Variants in SYNRG observed in about 807,000 individuals in gnomAD.
SYNRG encodes synergin gamma, also known as AP1 gamma subunit binding protein 1.
Under a neutral mutation model 130.9 loss-of-function variants are expected in SYNRG, and 37 were observed. That is an observed-to-expected ratio of 0.28 (90% confidence interval 0.22 to 0.37). SYNRG has a LOEUF of 0.37. Ranked by LOEUF, SYNRG falls within the 10% of genes least tolerant of loss-of-function variation. The pLI, the probability that SYNRG is intolerant of heterozygous loss-of-function variation, is 1.00. For synonymous variants in SYNRG, 539 were observed against 568.1 expected (o/e 0.95, Z 0.73); for missense variants, 1,338 against 1,588.9 (o/e 0.84, Z 2.68).
intron 13 of SYNRG, 21 bp from the exon 14 acceptor site, chr17:37,554,080 A>C (rs2058915001): frequency 1.3e-6 from 2 of 1,580,906 alleles, no homozygotes; most frequent in East Asian, 4.5e-5. Context: ...AAATACCACC[A>C]AACAAATGGG....
intron 3 of SYNRG, among the ~76,000 whole-genome samples, chr17:37,595,757 T>G (rs2062708905): frequency 7.8e-6 from 1 of 127,590 alleles, no homozygotes. Flanking sequence ...TCCTCTGGCC[T>G]TTTTTTTTTT....
At position 37,553,247 on chromosome 17, in the gene SYNRG, C is replaced by G; in HGVS notation, c.2476G>C (p.Glu826Gln). The change falls in exon 14 of 22, where the codon GAG becomes CAG. Residue 826 changes from glutamate to glutamine, a missense_variant. By Grantham distance (29) the Glu-to-Gln change is conservative. Around this residue, in one of 3 missense-constraint regions of SYNRG, gnomAD observed 1,146 missense variants for 1,342.3 expected, o/e 0.85. Coordinates refer to ENST00000612223, the MANE Select transcript of SYNRG (RefSeq NM_007247.6). Reference protein sequence around the residue: ...PSIGGSSVGKEDSEDALSVQF... With the variant: ...PSIGGSSVGKQDSEDALSVQF... ...ACAGAGAGTGCATCTTCAGAGTCCTCCTTGCCAACACTGCTGCCACCAATG... is the reference window on the plus strand; with the variant it reads ...ACAGAGAGTGCATCTTCAGAGTCCTGCTTGCCAACACTGCTGCCACCAATG... 1.2e-6 allele frequency: 2 copies of G among 1,613,950 alleles called. No individual in the cohort carries two copies. The highest frequency in any genetic ancestry group is 1.7e-6 in the Non-Finnish European group (2 of 1,179,976).
intron 6 of SYNRG, among the ~76,000 whole-genome samples, chr17:37,582,115 T>C (rs1324222240): frequency 1.3e-5 from 2 of 152,160 alleles, no homozygotes; most frequent in African/African-American, 4.8e-5. Flanking sequence ...AAGTCTATTG[T>C]CACAATAAGC....
chr17:37,553,693 C>G lies in SYNRG; in HGVS notation c.2030G>C (p.Gly677Ala). The G allele has an allele frequency of 6.2e-7, 1 of 1,613,432 alleles. No homozygotes were observed. Among genetic ancestry groups the G allele is most frequent in the Non-Finnish European group, 8.5e-7 (1 of 1,179,902 alleles). ...ADDFGEFSLF[G>A]EYSGLAPVGE... ...AACAGGTGCTAGACCAGAATATTCC[C>G]CAAAAAGGCTGAATTCTCCAAAATC... is the stretch of plus-strand genomic sequence containing the variant. The change falls in exon 14 of 22, where the codon GGG becomes GCG. Residue 677 changes from glycine to alanine, a missense_variant. Coordinates refer to ENST00000612223, the MANE Select transcript of SYNRG (RefSeq NM_007247.6).
intron 19 of SYNRG, among the ~76,000 whole-genome samples, chr17:37,523,254 T>A (rs1481369001): frequency 6.6e-6 from 1 of 152,112 alleles, no homozygotes; most frequent in Non-Finnish European, 1.5e-5. Context: ...CTCAAACTCT[T>A]GGGATCAAGC....
At chr17:37,554,174 T>C in intron 13 of SYNRG, 115 bp from the exon 14 acceptor site, 2 of 884,924 alleles carry the variant, frequency 2.3e-6, no homozygotes, top group Non-Finnish European at 3.4e-6. Flanking sequence ...GACTTGACAT[T>C]ACTTAATAAT....
intron 18 of SYNRG, among the ~76,000 whole-genome samples, chr17:37,538,055 T>C (rs990093635): frequency 6.6e-6 from 1 of 152,244 alleles, no homozygotes; most frequent in African/African-American, 2.4e-5. Flanking sequence ...CATCGGTAGT[T>C]CAGATTCTTT....
chr17:37,569,268 C>T (rs905801534), intron 10 of SYNRG, among the ~76,000 whole-genome samples: 7 of 152,154 alleles, frequency 4.6e-5, no homozygotes, highest in South Asian at 2.1e-4. Context: ...AAATTAGCTG[C>T]GCATGGTGGC....
At position 37,535,968 on chromosome 17, in the gene SYNRG, C is replaced by G. The variant is rs764368701; in HGVS notation, c.3666+11G>C. 1.9e-6 allele frequency: 3 copies of G among 1,613,446 alleles called. No homozygotes were observed. Among genetic ancestry groups the G allele is most frequent in the Non-Finnish European group, 1.7e-6 (2 of 1,180,038 alleles). The stretch of plus-strand genomic sequence containing the variant: ...AAGGAAAGCAACTGCTGAGTTGTCT[C>G]ATGGGCTTACTGTGAGTGTGGCGAG... On this transcript the variant is annotated intron_variant, in intron 19 of 21. Transcript: ENST00000612223.
Position 37,514,857 on chromosome 17 carries a change from A to C in SYNRG, c.*4083T>G, listed in dbSNP as rs942746697. On this transcript the variant is annotated 3_prime_UTR_variant, in exon 22 of 22. Transcript: ENST00000612223. Reference sequence around the variant, plus strand: ...GAGAAGTTTAACAAGGGGTGATTTCAGAACAGACCCTGAAAATATTTTAAA... The same window carrying C: ...GAGAAGTTTAACAAGGGGTGATTTCCGAACAGACCCTGAAAATATTTTAAA... 6.6e-6 allele frequency: 1 copy of C among 152,244 alleles called. No individual in the cohort carries two copies. Among genetic ancestry groups the C allele is most frequent in the Non-Finnish European group, 1.5e-5 (1 of 68,044 alleles). The allele number at this position is 152,244 out of a possible 1,614,324, so 9.4% of individuals were successfully genotyped here.
chr17:37,608,388 T>A (rs2064005626), intron 1 of SYNRG, among the ~76,000 whole-genome samples: 2 of 152,196 alleles, frequency 1.3e-5, no homozygotes, highest in African/African-American at 4.8e-5. Flanking sequence ...TGTGCTGTTG[T>A]GTGTTGGTTA....
At chr17:37,550,371 G>T (rs1169694289) in intron 14 of SYNRG, among the ~76,000 whole-genome samples, 1 of 152,162 alleles carries the variant, frequency 6.6e-6, no homozygotes, top group Non-Finnish European at 1.5e-5. Context: ...CAGGAGACAA[G>T]TGTTTGACGA....
intron 18 of SYNRG, among the ~76,000 whole-genome samples, chr17:37,537,720 A>T (rs1166737207): frequency 6.6e-6 from 1 of 152,214 alleles, no homozygotes; most frequent in East Asian, 1.9e-4. Flanking sequence ...AGAGAATGGG[A>T]TGGGAAGTAC....
In SYNRG at chr17:37,571,916, G is replaced by C; in HGVS notation, c.973C>G (p.Leu325Val). 6.2e-7 allele frequency: 1 copy of C among 1,614,186 alleles called. No homozygotes were observed. Among genetic ancestry groups the C allele is most frequent in the South Asian group, 1.1e-5 (1 of 91,088 alleles). ...GIDTAKLYPI[L>V]MSSGLPRETL... ...TCCCTGGGAAGCCCAGATGACATCA[G>C]AATGGGATACAGTTTGGCAGTATCT... The change falls in exon 9 of 22, where the codon CTG (leucine) becomes GTG (valine). Residue 325 changes from leucine to valine, a missense_variant. Coordinates refer to ENST00000612223, the MANE Select transcript of SYNRG (RefSeq NM_007247.6).
At chr17:37,584,782 G>A (rs1010218687) in intron 5 of SYNRG, 23 bp from the exon 6 acceptor site, 27 of 1,554,696 alleles carry the variant, frequency 1.7e-5, no homozygotes, top group East Asian at 6.8e-5. Context: ...AAATATATGC[G>A]TATTTCTTTA....
At chr17:37,593,019 T>G (rs1048752589) in intron 3 of SYNRG, among the ~76,000 whole-genome samples, 1 of 152,196 alleles carries the variant, frequency 6.6e-6, no homozygotes, top group African/African-American at 2.4e-5. Flanking sequence ...TTCAGAATAA[T>G]AATTTTAAAA....
At chr17:37,546,312 C>T (rs753302279) in intron 14 of SYNRG, among the ~76,000 whole-genome samples, 46 of 152,098 alleles carry the variant, frequency 3.0e-4, no homozygotes, top group Admixed American at 3.3e-4. Context: ...ATAAAATGAA[C>T]AGAAAATCAC....
intron 21 of SYNRG, 102 bp downstream of exon 21, chr17:37,520,077 G>A (rs2054803040): frequency 1.5e-6 from 2 of 1,300,194 alleles, no homozygotes. Flanking sequence ...AAGGATTCAT[G>A]ATTGGAACAG....
At chr17:37,544,021 CTCTTTCAT>C (rs1476476103) in intron 14 of SYNRG, among the ~76,000 whole-genome samples, 1 of 152,218 alleles carries the variant, frequency 6.6e-6, no homozygotes, top group Non-Finnish European at 1.5e-5. Context: ...AGTCATTCTT[CTCTTTCAT>C]TCACAGCAAT....
Sources: gnomAD v4.1 joint callset for allele counts (sites outside exome capture counted in the v4.1 genomes callset) on GRCh38, gnomAD v4.1.1 for gene constraint, gnomAD v4.1.1 regional missense constraint, MANE v1.5 for transcripts, NCBI Gene and HGNC (gene_info 2026-07-23, HGNC 2026-07-21) for gene names.